KARS1: variants seen among roughly 807,000 people sequenced by gnomAD.
KARS1 encodes lysine--tRNA ligase.
A neutral mutation model predicts 63.9 loss-of-function variants in KARS1; 50 were observed. The observed-to-expected ratio is 0.78, with a 90% CI of 0.62 to 0.99. KARS1 has a LOEUF of 0.99. KARS1 is among the 50% of genes least tolerant of loss of function. KARS1 has a pLI of 0.00. For missense variants in KARS1, 816 were observed against 754.5 expected, an observed-to-expected ratio of 1.08 and a Z score of -0.95; for synonymous variants, 320 against 264.6, an observed-to-expected ratio of 1.21 and a Z score of -2.03.
intron 5 of KARS1, 21 bp downstream of exon 5, chr16:75,635,891 T>C (rs1227347183): frequency 1.9e-6 from 3 of 1,613,590 alleles, no homozygotes; most frequent in Non-Finnish European, 1.7e-6. Flanking sequence ...AGGCCACAGC[T>C]AGGAGGCCAA....
chr16:75,641,501 C>A (rs754857314), intron 2 of KARS1, 63 bp downstream of exon 2: 1 of 1,463,472 alleles, frequency 6.8e-7, no homozygotes, highest in Non-Finnish European at 9.5e-7. Context: ...CCCAAAGAAT[C>A]TGCCAGAAGC....
At chr16:75,641,452 C>G in intron 2 of KARS1, 112 bp downstream of exon 2, 1 of 865,332 alleles carries the variant, frequency 1.2e-6, no homozygotes. Context: ...TTATCCCTGG[C>G]AGTGACCTCA....
rs2151800579 is a variant in KARS1, at chr16:75,629,368, T to G, written c.1551+47A>C. On this transcript the variant is annotated intron_variant, in intron 12 of 13. Transcript: ENST00000302445. Reference sequence around the variant, plus strand: ...ACACAGATCAGGGTTAAGGCTGGTATTTCCTGGTGAGTTGGCACAGCTTCT... The same window carrying G: ...ACACAGATCAGGGTTAAGGCTGGTAGTTCCTGGTGAGTTGGCACAGCTTCT... 1.9e-6 allele frequency: 3 copies of G among 1,612,386 alleles called. No homozygotes were observed. The East Asian group carries it at 6.7e-5, about 36-fold the overall frequency.
chr16:75,634,494 C>A (rs1021146171), intron 6 of KARS1, among the ~76,000 whole-genome samples: 67 of 152,236 alleles, frequency 4.4e-4, no homozygotes, highest in African/African-American at 1.4e-3. Flanking sequence ...TACCTAATAT[C>A]ATTAATATAG....
rs754731764 is a variant in KARS1 at position 75,640,178 on chromosome 16, T to G, written c.388+6A>C. On this transcript the variant is annotated splice_donor_region_variant and intron_variant, in intron 3 of 13. Transcript: ENST00000302445. ...AGTTCAGTGATTTGCCAGGGAGAGT[T>G]CCTACCTGCCACCTTTAAGGTGATG... is the stretch of plus-strand genomic sequence containing the variant. The G allele has an allele frequency of 1.9e-6, 3 of 1,613,208 alleles. No homozygotes were observed. The African/African-American group carries it at 4.0e-5, about 22-fold the overall frequency.
rs2082162607 is a variant in KARS1 at position 75,636,471 on chromosome 16, T to C, written c.465A>G (p.Gln155=). 6.2e-7 allele frequency: 1 copy of C among 1,612,388 alleles called. No homozygotes were observed. Among genetic ancestry groups the C allele is most frequent in the Non-Finnish European group, 8.5e-7 (1 of 1,178,424 alleles). Residue 155 remains glutamine (Q), a synonymous_variant, in exon 4 of 14, where the codon CAA becomes CAG. Transcript: ENST00000302445. ...CGAGATACCTGGAATTGGCCATGAC[T>C]TGCAACTTCACCCCCTCTCCTCGAA... ...YDLRGEGVKL[Q]VMANSRNYKS...
At chr16:75,641,770 C>T (rs758323620) in intron 1 of KARS1, 47 bp from the exon 2 acceptor site, 2 of 1,598,786 alleles carry the variant, frequency 1.3e-6, no homozygotes, top group African/African-American at 2.7e-5. Flanking sequence ...CCTGAAGAGT[C>T]CTCTATGTTC....
intron 3 of KARS1, among the ~76,000 whole-genome samples, chr16:75,637,808 ATGAGGAGTAGAGCCCACAG>A (rs2082178770): frequency 6.6e-6 from 1 of 150,612 alleles, no homozygotes; most frequent in African/African-American, 2.4e-5. Flanking sequence ...TCTAAAGGGA[ATGAGGAGTAGAGCCCACAG>A]AAACCCTCTC....
chr16:75,647,504 G>T, intron 1 of KARS1, 74 bp downstream of exon 1: 1 of 1,389,654 alleles, frequency 7.2e-7, no homozygotes, highest in East Asian at 2.4e-5. Context: ...AGCAGCCTTG[G>T]TGGGAACCTC....
chr16:75,635,632 C>T, intron 6 of KARS1, 48 bp downstream of exon 6: 3 of 1,608,502 alleles, frequency 1.9e-6, no homozygotes, highest in East Asian at 4.5e-5. Context: ...GAGGAGGAGG[C>T]AAGCATTGCA....
At position 75,635,529 on chromosome 16, in the gene KARS1, G is replaced by A. The variant is rs2082151998; in HGVS notation, c.795+151C>T. On this transcript the variant is annotated intron_variant, in intron 6 of 13. Coordinates refer to ENST00000302445, the MANE Select transcript of KARS1 (RefSeq NM_005548.3). ...GTCCTGCCTTCCTAATCAGGACAAG[G>A]TAGAACAGAGACGATGGCAAGAAAA... 7.1e-5 allele frequency: 63 copies of A among 892,510 alleles called. No individual in the cohort carries two copies. The South Asian group carries it at 8.9e-4, about 13-fold the overall frequency. The allele number at this position is 892,510 out of a possible 1,614,324, so 55.3% of individuals were successfully genotyped here. A position where few individuals can be genotyped will look rare whatever the true frequency, so the allele number is the denominator to read the frequency against.
chr16:75,634,305 G>C lies in KARS1; in HGVS notation c.796-13C>G. 6.2e-7 allele frequency: 1 copy of C among 1,613,584 alleles called. No individual in the cohort carries two copies. The highest frequency in any genetic ancestry group is 8.5e-7 in the Non-Finnish European group (1 of 1,179,730). ...TGGGAGTTTCAATCTAAAAAAGGCAGGGAGAAACATCAGTCCTTAGATAAC... is the reference window on the plus strand; with the variant it reads ...TGGGAGTTTCAATCTAAAAAAGGCACGGAGAAACATCAGTCCTTAGATAAC... On this transcript the variant is annotated splice_polypyrimidine_tract_variant and intron_variant, in intron 6 of 13. Coordinates refer to ENST00000302445, the MANE Select transcript of KARS1 (RefSeq NM_005548.3).
chr16:75,631,241 A>G lies in KARS1; in HGVS notation c.1265T>C (p.Ile422Thr), dbSNP rs762481405. 6.2e-7 allele frequency: 1 copy of G among 1,614,086 alleles called. No homozygotes were observed. Among genetic ancestry groups the G allele is most frequent in the East Asian group, 2.2e-5 (1 of 44,866 alleles). The change falls in exon 10 of 14, where the codon ATT becomes ACT. Residue 422 changes from isoleucine (I) to threonine (T), a missense_variant. By Grantham distance (89) the Ile-to-Thr change is moderately conservative (BLOSUM62 -1). Coordinates refer to ENST00000302445, the MANE Select transcript of KARS1 (RefSeq NM_005548.3). ...NLFETEETRK[I>T]LDDICVAKAV... ...TTTTGCCACACAGATATCATCAAGA[A>G]TTTTGCGAGTTTCTGGGACACAAAT...
chr16:75,644,463 C>A (rs1426892155), intron 1 of KARS1: 1 of 1,586,880 alleles, frequency 6.3e-7, no homozygotes, highest in African/African-American at 1.3e-5. Context: ...TTACCACCAC[C>A]TAGCGGGAAA....
chr16:75,628,941 C>T (rs1471688747), intron 12 of KARS1: 2 of 577,810 alleles, frequency 3.5e-6, no homozygotes, highest in Admixed American at 5.9e-5. Context: ...ACAAATTTCT[C>T]TGAAAGAAAA....
At chr16:75,630,268 G>C (rs943838593) in intron 11 of KARS1, among the ~76,000 whole-genome samples, 155 bp downstream of exon 11, 3 of 152,128 alleles carry the variant, frequency 2.0e-5, no homozygotes, top group Non-Finnish European at 4.4e-5. Context: ...AAGTGCCCTG[G>C]CAGAATCCCC....
rs1450789258 is a variant in KARS1 at position 75,631,559 on chromosome 16, T to C, written c.1109A>G (p.Lys370Arg). 6.2e-7 allele frequency: 1 copy of C among 1,614,024 alleles called. No homozygotes were observed. Among genetic ancestry groups the C allele is most frequent in the African/African-American group, 1.3e-5 (1 of 74,922 alleles). ...GMVKHITGSY[K>R]VTYHPDGPEG... ...TGGGCCATCTGGGTGGTAGGTGACCTTGTAACTGCCTGTAATATGCTTCAC... is the reference window on the plus strand; with the variant it reads ...TGGGCCATCTGGGTGGTAGGTGACCCTGTAACTGCCTGTAATATGCTTCAC... The change falls in exon 9 of 14, where the codon AAG becomes AGG. Residue 370 changes from lysine (K) to arginine (R), a missense_variant. Coordinates refer to ENST00000302445, the MANE Select transcript of KARS1 (RefSeq NM_005548.3).
chr16:75,638,811 T>G (rs184619224), intron 3 of KARS1, among the ~76,000 whole-genome samples: 3 of 152,250 alleles, frequency 2.0e-5, no homozygotes, highest in Non-Finnish European at 4.4e-5. Context: ...GATGATCCAG[T>G]ATGCAGATAA....
intron 7 of KARS1, among the ~76,000 whole-genome samples, chr16:75,633,259 G>A (rs1207332200): frequency 1.3e-5 from 2 of 152,288 alleles, no homozygotes; most frequent in African/African-American, 4.8e-5. Flanking sequence ...ACACTCAGCA[G>A]GACTGGCAAA....
Sources: allele counts gnomAD v4.1 joint callset (sites outside exome capture counted in the v4.1 genomes callset), GRCh38; gene constraint gnomAD v4.1.1; transcripts MANE v1.5; gene names NCBI Gene and HGNC (gene_info 2026-07-23, HGNC 2026-07-21).